TPD52L1: variants seen among roughly 807,000 people sequenced by gnomAD.
TPD52L1 encodes TPD52 like 1, also known as tumor protein D53.
TPD52L1 carries 18 observed loss-of-function variants against 28.7 expected under a neutral mutation model. The observed-to-expected ratio is 0.63, with a 90% confidence interval of 0.43 to 0.93. The LOEUF (loss-of-function observed/expected upper bound fraction) is 0.93. Ranked by LOEUF, TPD52L1 falls within the 40% of genes least tolerant of loss-of-function variation. TPD52L1 has a pLI of 0.00. For missense variants in TPD52L1, 203 were observed against 254.8 expected (o/e 0.80, Z 1.39); for synonymous variants, 75 against 88.8 (o/e 0.84, Z 0.88).
rs541032352 is a variant in TPD52L1, at chr6:125,248,373, G to A, written c.376G>A (p.Gly126Arg). ...TGGAACGGCCATCAGCAAGAAGTTC[G>A]GAGACATGAGGTACTGTGGGAAAAT... is the stretch of plus-strand genomic sequence containing the variant. ...NVGTAISKKF[G>R]DMSYSIRHSI... The change falls in exon 4 of 7, where the codon GGA becomes AGA. Residue 126 changes from glycine to arginine, a missense_variant. Transcript: ENST00000534000. 1.1e-5 allele frequency: 18 copies of A among 1,613,846 alleles called. No individual in the cohort carries two copies. Among genetic ancestry groups the A allele is most frequent in the Non-Finnish European group, 1.4e-5 (17 of 1,179,868 alleles).
chr6:125,238,372 A>T (rs1796404826), intron 3 of TPD52L1, among the ~76,000 whole-genome samples: 1 of 152,176 alleles, frequency 6.6e-6, no homozygotes, highest in African/African-American at 2.4e-5. Context: ...ATTTTATTTC[A>T]ATAGTCTTTG....
At chr6:125,186,702 G>A (rs1341975096) in intron 1 of TPD52L1, among the ~76,000 whole-genome samples, 9 of 152,130 alleles carry the variant, frequency 5.9e-5, no homozygotes, top group South Asian at 2.1e-4. Flanking sequence ...ACGGTGTGAC[G>A]TTGACACCAT....
In TPD52L1 at chr6:125,226,548, A is replaced by G. The variant is rs192992786; in HGVS notation, c.136-2570A>G. On this transcript the variant is annotated intron_variant, in intron 2 of 6. Transcript: ENST00000534000. ...GGGGCTCCATGGCTATGAGGTTGAGAATATTAAGGTGTTCAAGCCTCTTTC... is the reference window on the plus strand; with the variant it reads ...GGGGCTCCATGGCTATGAGGTTGAGGATATTAAGGTGTTCAAGCCTCTTTC... 1.5e-3 allele frequency among the ~76,000 whole-genome samples: 227 copies of G among 152,150 alleles called. 1 individual carries two copies. Among genetic ancestry groups the G allele is most frequent in the East Asian group, 0.012 (64 of 5,168 alleles).
At chr6:125,257,037 C>T (rs1005337440) in intron 5 of TPD52L1, 61 bp from the exon 6 acceptor site, 2 of 1,470,912 alleles carry the variant, frequency 1.4e-6, no homozygotes, top group African/African-American at 2.8e-5. Context: ...GAAAACCAAA[C>T]AGCATGGTTG....
intron 1 of TPD52L1, among the ~76,000 whole-genome samples, chr6:125,172,153 TTTCTTTTC>T (rs1271249438): frequency 0.032 from 1,870 of 57,934 alleles, 8 homozygotes; most frequent in East Asian, 0.067. Flanking sequence ...TCTTTCTTTC[TTTCTTTTC>T]TTTCTTTCTT....
At chr6:125,260,400 C>T (rs918380228) in intron 6 of TPD52L1, 1 of 152,102 alleles carries the variant, frequency 6.6e-6, no homozygotes, top group African/African-American at 2.4e-5. Flanking sequence ...CTGAGAATGG[C>T]TTTACATTTT....
At chr6:125,171,252 A>G (rs1200248635) in intron 1 of TPD52L1, among the ~76,000 whole-genome samples, 1 of 152,160 alleles carries the variant, frequency 6.6e-6, no homozygotes, top group Non-Finnish European at 1.5e-5. Flanking sequence ...GTTTGATGAT[A>G]TGATGTACAC....
chr6:125,190,107 G>A (rs1792935910), intron 1 of TPD52L1, among the ~76,000 whole-genome samples: 1 of 151,944 alleles, frequency 6.6e-6, no homozygotes, highest in South Asian at 2.1e-4. Flanking sequence ...TATGGCTGAA[G>A]ACAACTTCAA....
intron 1 of TPD52L1, among the ~76,000 whole-genome samples, chr6:125,159,694 G>A (rs186392542): frequency 6.6e-6 from 1 of 152,240 alleles, no homozygotes; most frequent in African/African-American, 2.4e-5. Context: ...TTTCTTATGA[G>A]ATGTATTTCT....
intron 6 of TPD52L1, among the ~76,000 whole-genome samples, chr6:125,258,958 A>G (rs567226266): frequency 2.3e-4 from 35 of 152,338 alleles, no homozygotes; most frequent in Admixed American, 3.9e-4. Flanking sequence ...GCTTTGTGTC[A>G]AACCTCCCAC....
intron 6 of TPD52L1, chr6:125,261,305 T>A (rs370460727): frequency 6.6e-6 from 1 of 152,178 alleles, no homozygotes; most frequent in African/African-American, 2.4e-5. Context: ...TTTGTAATGA[T>A]GGAACTGCTT....
At chr6:125,227,886 G>C (rs1208643012) in intron 2 of TPD52L1, among the ~76,000 whole-genome samples, 1 of 152,184 alleles carries the variant, frequency 6.6e-6, no homozygotes, top group African/African-American at 2.4e-5. Context: ...CTGTAGCACA[G>C]GGGAAAGAGG....
intron 1 of TPD52L1, among the ~76,000 whole-genome samples, chr6:125,171,453 T>C (rs1226437209): frequency 6.6e-6 from 1 of 152,208 alleles, no homozygotes; most frequent in Admixed American, 6.5e-5. Context: ...TGATGGGATG[T>C]AACTCCCATG....
At chr6:125,170,195 G>A (rs1291541158) in intron 1 of TPD52L1, among the ~76,000 whole-genome samples, 2 of 151,946 alleles carry the variant, frequency 1.3e-5, no homozygotes, top group African/African-American at 2.4e-5. Context: ...CTCTTTTCCA[G>A]GTATTTGCAT....
chr6:125,262,693 A>C, intron 6 of TPD52L1, 141 bp from the exon 7 acceptor site: 1 of 1,195,250 alleles, frequency 8.4e-7, no homozygotes, highest in Non-Finnish European at 1.1e-6. Flanking sequence ...TAAAGGAAAC[A>C]AACTTCTGTG....
chr6:125,218,430 A>AC (rs973494907), intron 1 of TPD52L1, among the ~76,000 whole-genome samples: 22 of 152,224 alleles, frequency 1.4e-4, no homozygotes, highest in African/African-American at 5.3e-4. Flanking sequence ...AGGTCTTTTG[A>AC]CCCATATTTC....
At chr6:125,178,417 TCAAGAC>T (rs1390450568) in intron 1 of TPD52L1, among the ~76,000 whole-genome samples, 1 of 151,934 alleles carries the variant, frequency 6.6e-6, no homozygotes, top group Non-Finnish European at 1.5e-5. Flanking sequence ...GGTCAGGAGT[TCAAGAC>T]CAACCTGGCC....
chr6:125,225,353 G>A (rs573607809), intron 2 of TPD52L1, among the ~76,000 whole-genome samples: 149 of 152,192 alleles, frequency 9.8e-4, no homozygotes, highest in Middle Eastern at 3.4e-3. Flanking sequence ...CAATTCTTTG[G>A]GGTATATACC....
In TPD52L1 at chr6:125,253,663, T is replaced by A. The variant is rs1021942086; in HGVS notation, c.387-54T>A. 3 of 1,514,758 alleles carry A rather than the reference T, an allele frequency of 2.0e-6. No homozygotes were observed. In the African/African-American group the frequency reaches 4.1e-5, roughly 21 times the overall value. The allele number at this position is 1,514,758 out of a possible 1,614,324, so 93.8% of individuals were successfully genotyped here. ...GAATAGGGAGTTTTTCATGTACTTA[T>A]GTGTGCTCTCTTCTTTTTTCTTTTT... On this transcript the variant is annotated intron_variant, in intron 4 of 6. Coordinates refer to ENST00000534000, the MANE Select transcript of TPD52L1 (RefSeq NM_003287.4).
Sources: gnomAD v4.1 joint callset for allele counts (sites outside exome capture counted in the v4.1 genomes callset) on GRCh38, gnomAD v4.1.1 for gene constraint, MANE v1.5 for transcripts, NCBI Gene and HGNC (gene_info 2026-07-23, HGNC 2026-07-21) for gene names.